SPON2: variants seen among roughly 807,000 people sequenced by gnomAD.
SPON2 encodes spondin 2.
A neutral mutation model predicts 29.9 loss-of-function variants in SPON2; 32 were observed. That is an observed-to-expected ratio of 1.07 (90% CI 0.81 to 1.44). SPON2 has a LOEUF of 1.44. Among genes scored for constraint, SPON2 ranks in the 40% most tolerant of loss-of-function variants. SPON2 has a pLI of 0.00. For synonymous variants in SPON2, 248 were observed against 209.1 expected (o/e 1.19, Z -1.61); for missense variants, 541 against 455.5 (o/e 1.19, Z -1.71).
Position 1,170,571 on chromosome 4 carries a change from C to G in SPON2, c.642G>C (p.Thr214=). The stretch of plus-strand genomic sequence containing the variant: ...TGGCCGGGTGGCTGGGAGAGGAGGA[C>G]GTTATCTGGGGAGGAAGAAGAGGAG... ...TIPQDTVTEI[T]SSSPSHPANS... The change falls in exon 5 of 6, where the codon ACG becomes ACC. Residue 214 remains threonine (T), a synonymous_variant. Transcript: ENST00000290902. 1 of 1,609,158 alleles carries G rather than the reference C, an allele frequency of 6.2e-7. No homozygotes were observed. Among genetic ancestry groups the G allele is most frequent in the Non-Finnish European group, 8.5e-7 (1 of 1,178,692 alleles).
At chr4:1,183,229 T>C (rs1439540657) in intron 1 of SPON2, among the ~76,000 whole-genome samples, 1 of 93,222 alleles carries the variant, frequency 1.1e-5, no homozygotes, top group African/African-American at 4.2e-5. Context: ...GCAACAAGAG[T>C]GAAACTCCAT....
chr4:1,167,789 C>T, intron 5 of SPON2, 133 bp from the exon 6 acceptor site: 1 of 958,772 alleles, frequency 1.0e-6, no homozygotes, highest in Non-Finnish European at 1.5e-6. Context: ...TTGCGTTTCT[C>T]CGCACAGTCG....
intron 1 of SPON2, among the ~76,000 whole-genome samples, chr4:1,191,214 A>G (rs1180538620): frequency 6.6e-6 from 1 of 152,150 alleles, no homozygotes; most frequent in Non-Finnish European, 1.5e-5. Context: ...TTCAAAAATT[A>G]CTACAAAACT....
At chr4:1,189,049 AAT>A (rs1329085332) in intron 1 of SPON2, among the ~76,000 whole-genome samples, 1 of 152,230 alleles carries the variant, frequency 6.6e-6, no homozygotes, top group Non-Finnish European at 1.5e-5. Flanking sequence ...GTAATTAAAA[AAT>A]ATGTTAATAA....
chr4:1,204,030 G>A (rs1418942292), intron 1 of SPON2, among the ~76,000 whole-genome samples: 2 of 151,998 alleles, frequency 1.3e-5, no homozygotes, highest in Non-Finnish European at 2.9e-5. Context: ...ACCACCACGT[G>A]GTGGCTAATT....
chr4:1,189,962 C>T lies in SPON2; in HGVS notation c.-239+5028G>A, dbSNP rs538729385. Among the ~76,000 whole-genome samples, 27 of 141,660 alleles carry T rather than the reference C, an allele frequency of 1.9e-4. No homozygotes were observed. The South Asian group carries it at 5.9e-3, about 31-fold the overall frequency. 92.9% of individuals were successfully genotyped at this position (141,660 alleles called of 152,430 possible). A position where few individuals can be genotyped will look rare whatever the true frequency, so the allele number is the denominator to read the frequency against. On this transcript the variant is annotated intron_variant, in intron 1 of 3. Coordinates refer to the SPON2 transcript ENST00000502483. ...CTGAGATCATGCCACTGCACTCCAGCCTGGGTGACAGAGTGAGACTCCATC... is the reference window on the plus strand; with the variant it reads ...CTGAGATCATGCCACTGCACTCCAGTCTGGGTGACAGAGTGAGACTCCATC...
chr4:1,198,094 A>C (rs1490634426), upstream of SPON2, among the ~76,000 whole-genome samples: 1 of 152,112 alleles, frequency 6.6e-6, no homozygotes, highest in African/African-American at 2.4e-5. Context: ...CTCTATTTAG[A>C]ATTTTTGTAC....
chr4:1,208,234 C>G (rs1405807815), upstream of SPON2: 1 of 152,254 alleles, frequency 6.6e-6, no homozygotes, highest in East Asian at 1.9e-4. Context: ...GGGTGCTTCC[C>G]GGCCCCCACG....
At chr4:1,189,568 C>A (rs1356382360) in intron 1 of SPON2, among the ~76,000 whole-genome samples, 1 of 133,602 alleles carries the variant, frequency 7.5e-6, no homozygotes, top group Non-Finnish European at 1.5e-5. Flanking sequence ...CCCAGGAGGT[C>A]GAGGCTGCAG....
At position 1,167,599 on chromosome 4, in the gene SPON2, C is replaced by T. The variant is rs748205612; in HGVS notation, c.869G>A (p.Gly290Glu). 1 of 1,613,438 alleles carries T rather than the reference C, an allele frequency of 6.2e-7. No individual in the cohort carries two copies. The highest frequency in any genetic ancestry group is 8.5e-7 in the Non-Finnish European group (1 of 1,179,986). ...GGTCCCGAGCCTCCCACAGTGGCCTCCGCACAGTCCCCAGGACGACCACAG... is the reference window on the plus strand; with the variant it reads ...GGTCCCGAGCCTCCCACAGTGGCCTTCGCACAGTCCCCAGGACGACCACAG... ...VSLWSSWGLC[G>E]GHCGRLGTKS... Residue 290 changes from glycine (G) to glutamate (E), a missense_variant, in exon 6 of 6, where the codon GGA (glycine) becomes GAA (glutamate). Transcript: ENST00000290902.
intron 4 of SPON2, 55 bp from the exon 5 acceptor site, chr4:1,170,631 A>G (rs911875904): frequency 2.6e-6 from 4 of 1,552,426 alleles, no homozygotes; most frequent in Admixed American, 3.9e-5. Context: ...ACCTTCTGGT[A>G]TGCGTATGGC....
At position 1,167,164 on chromosome 4, in the gene SPON2, T is replaced by C; in HGVS notation, c.*308A>G. ...ACAATCTCCTGGAGCAGCAATAACT[T>C]ATAAGGAGACATAATTTAGAGTAGC... On this transcript the variant is annotated 3_prime_UTR_variant, in exon 6 of 6. Coordinates refer to ENST00000290902, the MANE Select transcript of SPON2 (RefSeq NM_012445.4). 1 of 338,976 alleles carries C rather than the reference T, an allele frequency of 3.0e-6. No individual in the cohort carries two copies. The highest frequency in any genetic ancestry group is 5.4e-6 in the Non-Finnish European group (1 of 183,576). The allele number at this position is 338,976 out of a possible 1,614,324, so 21.0% of individuals were successfully genotyped here. A position where few individuals can be genotyped will look rare whatever the true frequency, so the allele number is the denominator to read the frequency against.
chr4:1,187,602 A>G (rs1727829691), intron 1 of SPON2, among the ~76,000 whole-genome samples: 1 of 152,156 alleles, frequency 6.6e-6, no homozygotes, highest in Non-Finnish European at 1.5e-5. Context: ...TTTTTAGCAG[A>G]TGCCCTAGGG....
In SPON2 at chr4:1,171,426, A is replaced by G; in HGVS notation, c.281T>C (p.Leu94Pro). Residue 94 changes from leucine (L) to proline (P), a missense_variant, in exon 3 of 6, where the codon CTG becomes CCG. Physicochemically the swap from Leu to Pro is moderately conservative, Grantham distance 98. Transcript: ENST00000290902. ...WRKNQYVSNGLRDFAERGEAW... is the reference protein window; with the variant it reads ...WRKNQYVSNGPRDFAERGEAW... ...CTCGCCGCGCTCCGCAAAGTCGCGC[A>G]GCCCGTTACTGACGTACTGGTTCTT... 6.2e-7 allele frequency: 1 copy of G among 1,612,246 alleles called. No homozygotes were observed. Among genetic ancestry groups the G allele is most frequent in the Non-Finnish European group, 8.5e-7 (1 of 1,179,776 alleles).
intron 1 of SPON2, among the ~76,000 whole-genome samples, chr4:1,188,501 T>C (rs1727846794): frequency 1.3e-5 from 2 of 152,108 alleles, no homozygotes; most frequent in African/African-American, 4.8e-5. Flanking sequence ...AAAGATAGAA[T>C]AGTAAGCAGA....
rs1391956220 is a variant in SPON2 at position 1,202,921 on chromosome 4, G to C, written c.-234+4959C>G. On this transcript the variant is annotated intron_variant, in intron 1 of 3. Coordinates refer to the SPON2 transcript ENST00000509233. This position sits in a 1 kb window ranked among gnomAD's most constrained non-coding sequence, Gnocchi z 5.4. ...AGCCATGGCTGGGGCGGCCAAGGAG[G>C]GCTGGGCCAGGATCGGGGGAGACCC... Among the ~76,000 whole-genome samples, 1 of 152,240 alleles carries C rather than the reference G, an allele frequency of 6.6e-6. No homozygotes were observed. The highest frequency in any genetic ancestry group is 1.5e-5 in the Non-Finnish European group (1 of 68,036).
chr4:1,186,088 CA>C (rs368571371), intron 1 of SPON2, among the ~76,000 whole-genome samples: 6 of 145,816 alleles, frequency 4.1e-5, no homozygotes, highest in African/African-American at 7.4e-5. Flanking sequence ...ACTAAAAATA[CA>C]AAAAATTAGC....
upstream of SPON2, among the ~76,000 whole-genome samples, chr4:1,196,572 T>G (rs1387482619): frequency 6.6e-6 from 1 of 152,164 alleles, no homozygotes; most frequent in African/African-American, 2.4e-5. Context: ...GCTGCCTGCC[T>G]GCCACACACC....
rs372624685 is a variant in SPON2 at position 1,170,362 on chromosome 4, G to C, written c.811+40C>G. On this transcript the variant is annotated intron_variant, in intron 5 of 5. Coordinates refer to ENST00000290902, the MANE Select transcript of SPON2 (RefSeq NM_012445.4). ...TGGTGGTCGCCCTGTGGCAGGGTTC[G>C]GGGCTGCTGTGTGTCCCATGTGACC... 5 of 1,586,860 alleles carry C rather than the reference G, an allele frequency of 3.2e-6. No individual in the cohort carries two copies. In the South Asian group the frequency reaches 3.4e-5, roughly 11 times the overall value.
Sources: gnomAD v4.1 joint callset for allele counts (sites outside exome capture counted in the v4.1 genomes callset) on GRCh38, gnomAD v4.1.1 for gene constraint, Gnocchi (gnomAD v3.1) non-coding constraint, MANE v1.5 for transcripts, NCBI Gene and HGNC (gene_info 2026-07-23, HGNC 2026-07-21) for gene names.